NEK11: variants seen among roughly 807,000 people sequenced by gnomAD.
NEK11 encodes the protein NIMA related kinase 11, also known as serine/threonine-protein kinase Nek11.
A neutral mutation model predicts 80.7 loss-of-function variants in NEK11; 72 were observed. The ratio of observed to expected loss-of-function variants is 0.89; its 90% CI spans 0.74 to 1.08. The LOEUF is 1.08. Ranked by LOEUF, NEK11 falls within the 50% of genes least tolerant of loss-of-function variation. The pLI, the probability that NEK11 is intolerant of heterozygous loss-of-function variation, is 0.00. For synonymous variants in NEK11, 251 were observed against 260.7 expected, an observed-to-expected ratio of 0.96 and a Z score of 0.36; for missense variants, 764 against 763.6, an observed-to-expected ratio of 1.00 and a Z score of -0.01.
intron 3 of NEK11, among the ~76,000 whole-genome samples, 200 bp from the exon 4 acceptor site, chr3:131,080,223 G>A (rs2075042753): frequency 6.6e-6 from 1 of 152,080 alleles, no homozygotes; most frequent in Non-Finnish European, 1.5e-5. Context: ...ATACACAGAT[G>A]AGGAGGTCAG....
chr3:131,082,063 G>C (rs2075352966), intron 4 of NEK11, among the ~76,000 whole-genome samples: 1 of 152,136 alleles, frequency 6.6e-6, no homozygotes, highest in Non-Finnish European at 1.5e-5. Flanking sequence ...TGCTTTGCTT[G>C]GAGGAAAGTG....
intron 7 of NEK11, among the ~76,000 whole-genome samples, chr3:131,143,421 T>C (rs2087411824): frequency 2.6e-5 from 4 of 152,196 alleles, no homozygotes; most frequent in African/African-American, 7.2e-5. Context: ...TTCCTTCACT[T>C]GCACAGCAAG....
At chr3:131,197,772 C>G (rs908687570) in intron 14 of NEK11, among the ~76,000 whole-genome samples, 1 of 152,154 alleles carries the variant, frequency 6.6e-6, no homozygotes, top group Non-Finnish European at 1.5e-5. Context: ...CTGCTGAGTA[C>G]TGGGACTTGG....
intron 5 of NEK11, among the ~76,000 whole-genome samples, chr3:131,128,273 T>G (rs1362597010): frequency 6.6e-6 from 1 of 152,190 alleles, no homozygotes; most frequent in East Asian, 1.9e-4. Context: ...TATCATAAAG[T>G]TGTTGCATGG....
chr3:131,304,180 C>T (rs1313869247), intron 17 of NEK11, among the ~76,000 whole-genome samples: 9 of 151,962 alleles, frequency 5.9e-5, no homozygotes, highest in Non-Finnish European at 1.3e-4. Flanking sequence ...AAATTTTTTC[C>T]ACAGCTTGGT....
Position 131,051,288 on chromosome 3 carries a change from C to T in NEK11, c.170+21410C>T, listed in dbSNP as rs183222313. ...CTCTGGCACTGAGGAGTGCACATAA[C>T]TCTGTGACACTCCACATTTTGGGTT... is the stretch of plus-strand genomic sequence containing the variant. On this transcript the variant is annotated intron_variant, in intron 3 of 17. Transcript: ENST00000383366. 1.2e-3 allele frequency among the ~76,000 whole-genome samples: 187 copies of T among 152,276 alleles called. 1 individual carries two copies. The highest frequency in any genetic ancestry group is 4.3e-3 in the African/African-American group (180 of 41,560).
intron 5 of NEK11, among the ~76,000 whole-genome samples, chr3:131,126,454 GTAT>G (rs2083358985): frequency 6.6e-6 from 1 of 152,090 alleles, no homozygotes; most frequent in African/African-American, 2.4e-5. Flanking sequence ...AGCTAAAAAT[GTAT>G]TATTATTTAG....
chr3:131,206,422 T>G (rs1375481775), intron 14 of NEK11, among the ~76,000 whole-genome samples: 8 of 152,186 alleles, frequency 5.3e-5, no homozygotes, highest in Admixed American at 5.2e-4. Flanking sequence ...TTTAAAAAAT[T>G]TATGCACAAA....
At chr3:131,230,920 G>A (rs1209177951) in intron 15 of NEK11, among the ~76,000 whole-genome samples, 1 of 152,094 alleles carries the variant, frequency 6.6e-6, no homozygotes, top group Non-Finnish European at 1.5e-5. Context: ...TAAGTCTCAC[G>A]AGATCTGATG....
chr3:131,196,846 CTT>C (rs112705042), intron 14 of NEK11, among the ~76,000 whole-genome samples: 108 of 137,842 alleles, frequency 7.8e-4, no homozygotes, highest in Admixed American at 7.2e-4. Context: ...CTTTTCTTTT[CTT>C]TTTTTTTTTT....
chr3:131,158,297 A>C (rs766343208), intron 10 of NEK11, among the ~76,000 whole-genome samples: 1 of 151,756 alleles, frequency 6.6e-6, no homozygotes, highest in East Asian at 1.9e-4. Flanking sequence ...CACCCTCCCC[A>C]TGTTGCTTTT....
At chr3:131,030,305 A>T (rs140049481) in intron 3 of NEK11, among the ~76,000 whole-genome samples, 1 of 152,288 alleles carries the variant, frequency 6.6e-6, no homozygotes, top group East Asian at 1.9e-4. Context: ...TCATAAATAT[A>T]GGTAAGCTCC....
At chr3:131,273,701 G>A (rs1403719253) in intron 17 of NEK11, 127 bp downstream of exon 17, 2 of 656,120 alleles carry the variant, frequency 3.0e-6, no homozygotes, top group Admixed American at 2.6e-5. Flanking sequence ...CTGGGACTAA[G>A]CTGTTCCAAC....
At chr3:131,134,058 T>A in intron 7 of NEK11, 102 bp downstream of exon 7, 1 of 982,880 alleles carries the variant, frequency 1.0e-6, no homozygotes, top group Non-Finnish European at 1.4e-6. Flanking sequence ...ACTTTATCCC[T>A]TTGACATGAA....
At chr3:131,277,104 G>A (rs746775156) in intron 17 of NEK11, among the ~76,000 whole-genome samples, 23 of 152,072 alleles carry the variant, frequency 1.5e-4, no homozygotes, top group Non-Finnish European at 1.8e-4. Flanking sequence ...AATATTGTTT[G>A]TCCTGAACTT....
chr3:131,269,883 GT>G (rs2096145299), intron 16 of NEK11, among the ~76,000 whole-genome samples: 2 of 152,184 alleles, frequency 1.3e-5, no homozygotes, highest in African/African-American at 4.8e-5. Context: ...TTGAATTTGT[GT>G]TTTATGAGTG....
intron 16 of NEK11, 60 bp downstream of exon 16, chr3:131,243,556 C>G: frequency 4.3e-6 from 6 of 1,408,036 alleles, no homozygotes; most frequent in Non-Finnish European, 6.0e-6. Flanking sequence ...CTTGGAATAA[C>G]TTGGAAGAAA....
chr3:131,150,416 A>G (rs2089419749), intron 7 of NEK11, among the ~76,000 whole-genome samples: 1 of 151,960 alleles, frequency 6.6e-6, no homozygotes, highest in Non-Finnish European at 1.5e-5. Context: ...ACACACACAC[A>G]TGCACATGAT....
intron 4 of NEK11, among the ~76,000 whole-genome samples, chr3:131,100,788 A>AT (rs2078255091): frequency 6.6e-6 from 1 of 151,978 alleles, no homozygotes; most frequent in African/African-American, 2.4e-5. Flanking sequence ...CTCCTCCTTG[A>AT]TTTTTTGGAA....
Sources: allele counts gnomAD v4.1 joint callset (sites outside exome capture counted in the v4.1 genomes callset), GRCh38; gene constraint gnomAD v4.1.1; transcripts MANE v1.5; gene names NCBI Gene and HGNC (gene_info 2026-07-23, HGNC 2026-07-21).